The following LRRC8B variants were observed in gnomAD, a reference collection of about 807,000 sequenced individuals.
LRRC8B encodes leucine rich repeat containing 8 VRAC subunit B.
A neutral mutation model predicts 58.8 loss-of-function variants in LRRC8B; 23 were observed. That is an observed-to-expected ratio of 0.39 (90% CI 0.28 to 0.55). LRRC8B has a LOEUF of 0.55. Among genes scored for constraint, LRRC8B ranks in the 20% least tolerant of loss-of-function variants. LRRC8B has a pLI of 0.62. For missense variants in LRRC8B, 694 were observed against 936.0 expected (o/e 0.74, Z 3.37); for synonymous variants, 359 against 374.1 (o/e 0.96, Z 0.47).
intron 1 of LRRC8B, among the ~76,000 whole-genome samples, chr1:89,566,887 G>A (rs1467333471): frequency 6.6e-6 from 1 of 152,192 alleles, no homozygotes; most frequent in Non-Finnish European, 1.5e-5. Flanking sequence ...GCTCTTATTT[G>A]AGAAAGAAGA....
Position 89,596,087 on chromosome 1 carries a change from G to A in LRRC8B, c.*3044G>A, listed in dbSNP as rs1456818836. On this transcript the variant is annotated 3_prime_UTR_variant, in exon 6 of 6. Coordinates refer to ENST00000330947, the MANE Select transcript of LRRC8B (RefSeq NM_001369817.2). ...TTTTTCAAAATTGCAGGAGGTTGTA[G>A]ATTAAATTAAGTATGATAGCACGTT... 2.6e-5 allele frequency: 4 copies of A among 151,882 alleles called. No homozygotes were observed. The highest frequency in any genetic ancestry group is 9.7e-5 in the African/African-American group (4 of 41,344). 9.4% of individuals were successfully genotyped at this position (151,882 alleles called of 1,614,324 possible).
At chr1:89,525,423 G>A (rs563767803) in intron 1 of LRRC8B, among the ~76,000 whole-genome samples, 2 of 152,236 alleles carry the variant, frequency 1.3e-5, no homozygotes, top group Non-Finnish European at 2.9e-5. Context: ...CGCTCCAGAT[G>A]AGCGCAACTC....
intron 1 of LRRC8B, among the ~76,000 whole-genome samples, chr1:89,552,614 A>G (rs992157259): frequency 6.6e-6 from 1 of 152,200 alleles, no homozygotes; most frequent in Admixed American, 6.5e-5. Context: ...GAGAAATGTG[A>G]TTTACTTGTT....
intron 3 of LRRC8B, among the ~76,000 whole-genome samples, chr1:89,572,098 G>A (rs1653515460): frequency 6.6e-6 from 1 of 152,158 alleles, no homozygotes; most frequent in South Asian, 2.1e-4. Context: ...CTATGCTTAT[G>A]AAGCTTCATT....
chr1:89,595,626 A>G lies in LRRC8B; in HGVS notation c.*2583A>G, dbSNP rs1395719046. The G allele has an allele frequency of 6.6e-6, 1 of 152,108 alleles. No homozygotes were observed. The highest frequency in any genetic ancestry group is 1.5e-5 in the Non-Finnish European group (1 of 67,960). 9.4% of individuals were successfully genotyped at this position (152,108 alleles called of 1,614,324 possible). A position where few individuals can be genotyped will look rare whatever the true frequency, so the allele number is the denominator to read the frequency against. On this transcript the variant is annotated 3_prime_UTR_variant, in exon 6 of 6. Transcript: ENST00000330947. ...TAGGGTATAATTATTGGTGCAATCT[A>G]TGTTGTTCTTGATGCCATGGTTTTA...
At chr1:89,534,063 T>C (rs920679516) in intron 1 of LRRC8B, among the ~76,000 whole-genome samples, 2 of 152,220 alleles carry the variant, frequency 1.3e-5, no homozygotes, top group African/African-American at 4.8e-5. Flanking sequence ...ATCCTGACTT[T>C]GGCTTTCTAT....
rs1472406212 is a variant in LRRC8B, at chr1:89,524,856, A to G, written c.-407A>G. 1 of 152,104 alleles carries G rather than the reference A, an allele frequency of 6.6e-6. No homozygotes were observed. Among genetic ancestry groups the G allele is most frequent in the Non-Finnish European group, 1.5e-5 (1 of 68,004 alleles). The allele number at this position is 152,104 out of a possible 1,614,324, so 9.4% of individuals were successfully genotyped here. On this transcript the variant is annotated 5_prime_UTR_variant, in exon 1 of 6. Coordinates refer to ENST00000330947, the MANE Select transcript of LRRC8B (RefSeq NM_001369817.2). ...TGGCCAGCGGAACGCGTCGCGTCAC[A>G]ATGGAGCCGGTCGGAGGCGGCGAGC...
intron 1 of LRRC8B, among the ~76,000 whole-genome samples, chr1:89,537,975 G>A (rs902402925): frequency 6.6e-5 from 10 of 152,188 alleles, no homozygotes; most frequent in Non-Finnish European, 1.3e-4. Context: ...CTAGTTCATG[G>A]TATTTTGTTA....
chr1:89,554,785 G>T (rs970443830), intron 1 of LRRC8B, among the ~76,000 whole-genome samples: 3 of 151,908 alleles, frequency 2.0e-5, no homozygotes, highest in South Asian at 2.1e-4. Flanking sequence ...ATTATTTTTT[G>T]TGCATGGATG....
At position 89,583,857 on chromosome 1, in the gene LRRC8B, A is replaced by C; in HGVS notation, c.1207A>C (p.Asn403His). The C allele has an allele frequency of 6.2e-7, 1 of 1,614,190 alleles. No homozygotes were observed. Among genetic ancestry groups the C allele is most frequent in the Non-Finnish European group, 8.5e-7 (1 of 1,180,006 alleles). ...ENKLKQINLN[N>H]EWTVEKLKSK... ...CAAACTGAAACAGATCAACCTCAAT[A>C]ATGAATGGACAGTTGAGAAACTGAA... The change falls in exon 5 of 6, where the codon AAT (asparagine) becomes CAT (histidine). Residue 403 changes from asparagine to histidine, a missense_variant. By Grantham distance (68) the Asn-to-His change is moderately conservative. Coordinates refer to ENST00000330947, the MANE Select transcript of LRRC8B (RefSeq NM_001369817.2). The surrounding 1 kb of genome is among the most constrained non-coding windows in gnomAD (Gnocchi z 5.2).
rs1655337708 is a variant in LRRC8B, at chr1:89,597,060, T to C, written c.*4017T>C. 1 of 152,244 alleles carries C rather than the reference T, an allele frequency of 6.6e-6. No individual in the cohort carries two copies. Among genetic ancestry groups the C allele is most frequent in the African/African-American group, 2.4e-5 (1 of 41,474 alleles). 9.4% of individuals were successfully genotyped at this position (152,244 alleles called of 1,614,324 possible). ...GTATAAGCTAATTACTGTTGCAGAATGCCCTCGATATAATTATTTCTTTTC... is the reference window on the plus strand; with the variant it reads ...GTATAAGCTAATTACTGTTGCAGAACGCCCTCGATATAATTATTTCTTTTC... On this transcript the variant is annotated 3_prime_UTR_variant, in exon 6 of 6. Coordinates refer to ENST00000330947, the MANE Select transcript of LRRC8B (RefSeq NM_001369817.2).
chr1:89,550,797 GGT>G (rs1333080656), intron 1 of LRRC8B, among the ~76,000 whole-genome samples: 3 of 152,016 alleles, frequency 2.0e-5, no homozygotes, highest in Non-Finnish European at 4.4e-5. Context: ...ATACTACCAT[GGT>G]CTTCACTCTC....
Position 89,583,069 on chromosome 1 carries a change from T to C in LRRC8B, c.419T>C (p.Leu140Pro). Residue 140 changes from leucine (L) to proline (P), a missense_variant, in exon 5 of 6, where the codon CTT (leucine) becomes CCT (proline). Transcript: ENST00000330947. This position sits in a 1 kb window ranked among gnomAD's most constrained non-coding sequence, Gnocchi z 5.2. The stretch of plus-strand genomic sequence containing the variant: ...TTTGCAGCCTGCAGCAACTTTTGGC[T>C]TCACTACCCCAGTACCAGTTCCAGG... ...LIFAACSNFW[L>P]HYPSTSSRLE... The C allele has an allele frequency of 6.2e-7, 1 of 1,614,178 alleles. No individual in the cohort carries two copies. The highest frequency in any genetic ancestry group is 8.5e-7 in the Non-Finnish European group (1 of 1,180,036).
intron 4 of LRRC8B, 52 bp from the exon 5 acceptor site, chr1:89,582,573 T>C (rs2279085): frequency 0.24 from 247,029 of 1,033,722 alleles, 32,137 homozygotes; most frequent in South Asian, 0.33. Context: ...TAGAGTAAAA[T>C]GCTTATTTGA....
At chr1:89,581,408 G>T (rs1308709822) in intron 4 of LRRC8B, among the ~76,000 whole-genome samples, 4 of 151,696 alleles carry the variant, frequency 2.6e-5, no homozygotes, top group African/African-American at 9.7e-5. Flanking sequence ...CTTGAAAATA[G>T]ATTAGAGCTG....
intron 1 of LRRC8B, among the ~76,000 whole-genome samples, chr1:89,529,618 G>T (rs1649961800): frequency 6.6e-6 from 1 of 152,052 alleles, no homozygotes; most frequent in African/African-American, 2.4e-5. Flanking sequence ...GGCCTAACTT[G>T]TGTGAGCCTT....
At chr1:89,552,982 A>G (rs552834493) in intron 1 of LRRC8B, among the ~76,000 whole-genome samples, 2 of 152,334 alleles carry the variant, frequency 1.3e-5, no homozygotes, top group Admixed American at 6.5e-5. Context: ...TGCTTTCACA[A>G]TATGATCATA....
chr1:89,552,283 G>A (rs1651882089), intron 1 of LRRC8B, among the ~76,000 whole-genome samples: 1 of 152,164 alleles, frequency 6.6e-6, no homozygotes, highest in South Asian at 2.1e-4. Flanking sequence ...AATATATTCT[G>A]TTTTTGCATG....
At chr1:89,592,589 G>A (rs1035897881) in intron 5 of LRRC8B, among the ~76,000 whole-genome samples, 182 bp from the exon 6 acceptor site, 1 of 151,800 alleles carries the variant, frequency 6.6e-6, no homozygotes, top group Non-Finnish European at 1.5e-5. Flanking sequence ...ACTCCTCATT[G>A]TACTCCTGTC....
Sources: gnomAD v4.1 joint callset for allele counts (sites outside exome capture counted in the v4.1 genomes callset) on GRCh38, gnomAD v4.1.1 for gene constraint, Gnocchi (gnomAD v3.1) non-coding constraint, MANE v1.5 for transcripts, NCBI Gene and HGNC (gene_info 2026-07-23, HGNC 2026-07-21) for gene names.